The following ADAMTS20 variants were observed in gnomAD, a reference collection of about 807,000 sequenced individuals.
The protein encoded by ADAMTS20 is ADAM metallopeptidase with thrombospondin type 1 motif 20.
ADAMTS20 carries 225 observed loss-of-function variants against 260.1 expected under a neutral mutation model. The ratio of observed to expected loss-of-function variants is 0.87; its 90% CI spans 0.78 to 0.97. The LOEUF is 0.97. Among genes scored for constraint, ADAMTS20 ranks in the 50% least tolerant of loss-of-function variants. The pLI, the probability that ADAMTS20 is intolerant of heterozygous loss-of-function variation, is 0.00. For synonymous variants in ADAMTS20, 802 were observed against 769.5 expected, an observed-to-expected ratio of 1.04 and a Z score of -0.70; for missense variants, 2,400 against 2,337.7, an observed-to-expected ratio of 1.03 and a Z score of -0.55.
chr12:43,452,726 T>C (rs753676616), intron 12 of ADAMTS20, 31 bp from the exon 13 acceptor site: 16 of 1,554,766 alleles, frequency 1.0e-5, no homozygotes, highest in Non-Finnish European at 1.3e-5. Context: ...TTAAAGCACA[T>C]CAGTACAACA....
chr12:43,355,828 C>A (rs567995963), intron 38 of ADAMTS20, among the ~76,000 whole-genome samples: 7 of 151,990 alleles, frequency 4.6e-5, no homozygotes, highest in Non-Finnish European at 7.4e-5. Context: ...TTGGATAATA[C>A]AACATGTGCT....
In ADAMTS20 at chr12:43,478,089, A is replaced by G. The variant is rs1942386752; in HGVS notation, c.1118-9384T>C. ...GCTATCATGTATTTCAGATATGTGA[A>G]TTTTCAGATACGTAATATAAAATTA... On this transcript the variant is annotated intron_variant, in intron 7 of 38. Coordinates refer to ENST00000389420, the MANE Select transcript of ADAMTS20 (RefSeq NM_025003.5). Among the ~76,000 whole-genome samples, 3 of 152,304 alleles carry G rather than the reference A, an allele frequency of 2.0e-5. No individual in the cohort carries two copies. The South Asian group carries it at 6.2e-4, about 32-fold the overall frequency.
At chr12:43,520,553 G>A (rs1043006592) in intron 3 of ADAMTS20, among the ~76,000 whole-genome samples, 4 of 152,142 alleles carry the variant, frequency 2.6e-5, no homozygotes, top group African/African-American at 9.7e-5. Flanking sequence ...AGTGTGACAT[G>A]TTCCTCAAAA....
At chr12:43,439,537 C>G (rs2137323956) in intron 18 of ADAMTS20, 85 bp downstream of exon 18, 2 of 1,494,608 alleles carry the variant, frequency 1.3e-6, no homozygotes, top group South Asian at 1.4e-5. Flanking sequence ...GGGGAGGATT[C>G]CATAGGCAGC....
chr12:43,452,705 T>G lies in ADAMTS20; in HGVS notation c.1761-10A>C, dbSNP rs1941893024. On this transcript the variant is annotated splice_polypyrimidine_tract_variant and intron_variant, in intron 12 of 38. Transcript: ENST00000389420. ...TCCTCCGTTTCTTGGCCTAGTCAAATTCATTACATTTTAAAGCACATCAGT... is the reference window on the plus strand; with the variant it reads ...TCCTCCGTTTCTTGGCCTAGTCAAAGTCATTACATTTTAAAGCACATCAGT... The G allele has an allele frequency of 6.3e-7, 1 of 1,590,946 alleles. No homozygotes were observed. The highest frequency in any genetic ancestry group is 8.6e-7 in the Non-Finnish European group (1 of 1,165,892).
At chr12:43,409,336 C>T (rs1420393231) in intron 28 of ADAMTS20, among the ~76,000 whole-genome samples, 1 of 151,900 alleles carries the variant, frequency 6.6e-6, no homozygotes, top group African/African-American at 2.4e-5. Context: ...GGCGCGGTGG[C>T]TCACGCCTGT....
chr12:43,432,232 G>A (rs1029689899), intron 21 of ADAMTS20, 72 bp downstream of exon 21: 17 of 1,452,974 alleles, frequency 1.2e-5, no homozygotes, highest in Non-Finnish European at 1.6e-5. Flanking sequence ...TTTAAATTTT[G>A]TAAAGTCTTA....
intron 28 of ADAMTS20, among the ~76,000 whole-genome samples, chr12:43,404,315 GA>G (rs1318955603): frequency 6.6e-6 from 1 of 151,742 alleles, no homozygotes; most frequent in African/African-American, 2.4e-5. Flanking sequence ...AACGCACCAT[GA>G]ACCACAGGAT....
At chr12:43,398,022 A>T (rs1310177143) in intron 29 of ADAMTS20, among the ~76,000 whole-genome samples, 7 of 152,272 alleles carry the variant, frequency 4.6e-5, no homozygotes, top group Non-Finnish European at 7.4e-5. Flanking sequence ...ATTTCCTTCT[A>T]GCTCCCCAAT....
At chr12:43,455,636 T>G (rs1343700337) in intron 11 of ADAMTS20, among the ~76,000 whole-genome samples, 1 of 152,140 alleles carries the variant, frequency 6.6e-6, no homozygotes, top group Non-Finnish European at 1.5e-5. Flanking sequence ...GGGGCAAACA[T>G]TCAAACCATA....
intron 37 of ADAMTS20, among the ~76,000 whole-genome samples, chr12:43,365,561 AG>A (rs1382831880): frequency 6.6e-6 from 1 of 152,022 alleles, no homozygotes; most frequent in Non-Finnish European, 1.5e-5. Flanking sequence ...TCAAATCCAC[AG>A]GAAGAAATAA....
intron 14 of ADAMTS20, among the ~76,000 whole-genome samples, chr12:43,450,724 A>T (rs1215181180): frequency 1.3e-5 from 2 of 151,988 alleles, no homozygotes; most frequent in African/African-American, 4.8e-5. Flanking sequence ...ATTTTTAATT[A>T]TTTTTTATCT....
At chr12:43,383,163 A>C (rs1159486711) in intron 31 of ADAMTS20, among the ~76,000 whole-genome samples, 1 of 152,176 alleles carries the variant, frequency 6.6e-6, no homozygotes. Context: ...ATGGAAATCA[A>C]AATGGTACTG....
At chr12:43,482,908 T>C (rs969461) in intron 7 of ADAMTS20, among the ~76,000 whole-genome samples, 105,918 of 151,940 alleles carry the variant, frequency 0.7, 37,292 homozygotes, top group East Asian at 1. Flanking sequence ...GATTGTATCT[T>C]CTTCCTGGCT....
In ADAMTS20 at chr12:43,407,927, C is replaced by T. The variant is rs148522794; in HGVS notation, c.4285-8694G>A. Among the ~76,000 whole-genome samples, 23 of 152,166 alleles carry T rather than the reference C, an allele frequency of 1.5e-4. No homozygotes were observed. The East Asian group carries it at 4.4e-3, about 29-fold the overall frequency. ...CTAATAATATTCTTTGTATGTACTA[C>T]AAAGGGGAAATGAACATTTCAGACT... On this transcript the variant is annotated intron_variant, in intron 28 of 38. Transcript: ENST00000389420.
intron 2 of ADAMTS20, among the ~76,000 whole-genome samples, chr12:43,536,488 A>C (rs1237294872): frequency 2.1e-5 from 3 of 142,392 alleles, no homozygotes; most frequent in Non-Finnish European, 4.8e-5. Flanking sequence ...AATATAATAG[A>C]ATATGCAATA....
chr12:43,527,958 A>T (rs545769343), intron 3 of ADAMTS20, among the ~76,000 whole-genome samples: 1 of 152,010 alleles, frequency 6.6e-6, no homozygotes, highest in East Asian at 1.9e-4. Flanking sequence ...ACTCCAAAAG[A>T]CTCCTAGATT....
At chr12:43,463,885 G>C (rs571824803) in intron 10 of ADAMTS20, among the ~76,000 whole-genome samples, 27 of 152,074 alleles carry the variant, frequency 1.8e-4, no homozygotes, top group Non-Finnish European at 3.2e-4. Context: ...TCACAACCTA[G>C]TAGGGAGGGA....
In ADAMTS20 at chr12:43,551,907, C is replaced by G. The variant is rs767843844; in HGVS notation, c.15G>C (p.Lys5Asn). 39 of 1,613,532 alleles carry G rather than the reference C, an allele frequency of 2.4e-5. No individual in the cohort carries two copies. Among genetic ancestry groups the G allele is most frequent in the Non-Finnish European group, 3.2e-5 (38 of 1,179,748 alleles). Residue 5 changes from lysine to asparagine, a missense_variant, in exon 1 of 39, where the codon AAG becomes AAC. Coordinates refer to ENST00000389420, the MANE Select transcript of ADAMTS20 (RefSeq NM_025003.5). This position sits in a 1 kb window ranked among gnomAD's most constrained non-coding sequence, Gnocchi z 4.6. MWVA[K>N]WLTGLLYHLS... ...GATGGTAGAGCAGCCCAGTCAGCCACTTGGCCACCCACATGGTTCCACCCT... is the reference window on the plus strand; with the variant it reads ...GATGGTAGAGCAGCCCAGTCAGCCAGTTGGCCACCCACATGGTTCCACCCT...
Sources: gnomAD v4.1 joint callset for allele counts (sites outside exome capture counted in the v4.1 genomes callset) on GRCh38, gnomAD v4.1.1 for gene constraint, Gnocchi (gnomAD v3.1) non-coding constraint, MANE v1.5 for transcripts, NCBI Gene and HGNC (gene_info 2026-07-23, HGNC 2026-07-21) for gene names.